PKD1L1: variants seen among roughly 807,000 people sequenced by gnomAD.
The protein encoded by PKD1L1 is polycystin-1-like protein 1.
Under a neutral mutation model 323.4 loss-of-function variants are expected in PKD1L1, and 236 were observed. The observed-to-expected ratio is 0.73, with a 90% CI of 0.66 to 0.81. PKD1L1 has a LOEUF of 0.81. PKD1L1 is among the 40% of genes least tolerant of loss of function. PKD1L1 has a pLI of 0.00. For missense variants in PKD1L1, 3,320 were observed against 3,508.0 expected (o/e 0.95, Z 1.35); for synonymous variants, 1,344 against 1,335.0 (o/e 1.01, Z -0.15).
chr7:47,881,938 C>T lies in PKD1L1; in HGVS notation c.3413G>A (p.Arg1138Gln), dbSNP rs146513154. The T allele has an allele frequency of 1.3e-4, 211 of 1,605,300 alleles. 1 individual carries two copies. In the African/African-American group the frequency reaches 2.2e-3, roughly 16 times the overall value. ...GGATGAATAGCCTTGGAAAACTGCT[C>T]GACCCAGCAGGGCCTTGGGCCAGTC... ...MIDWPKALLG[R>Q]AVFQGYSSSG... Residue 1138 changes from arginine to glutamine, a missense_variant, in exon 20 of 57, where the codon CGA becomes CAA. By Grantham distance (43) the Arg-to-Gln change is conservative. Transcript: ENST00000289672.
chr7:47,818,384 A>G (rs3800568), intron 46 of PKD1L1, among the ~76,000 whole-genome samples: 60,697 of 152,148 alleles, frequency 0.4, 12,611 homozygotes, highest in East Asian at 0.63. Flanking sequence ...CAAACATTGT[A>G]CATTTATAGC....
intron 54 of PKD1L1, among the ~76,000 whole-genome samples, chr7:47,799,863 G>A (rs570708835): frequency 6.6e-6 from 1 of 152,328 alleles, no homozygotes; most frequent in East Asian, 1.9e-4. Flanking sequence ...TGTGATGTGG[G>A]CATAGCAATC....
chr7:47,922,883 T>C (rs911779186), intron 7 of PKD1L1, among the ~76,000 whole-genome samples: 1 of 152,228 alleles, frequency 6.6e-6, no homozygotes, highest in African/African-American at 2.4e-5. Flanking sequence ...ATGGCGGTTT[T>C]GTCGAATAGA....
chr7:47,914,981 CTTAAAG>C (rs1019522858), intron 8 of PKD1L1, among the ~76,000 whole-genome samples: 53 of 152,296 alleles, frequency 3.5e-4, no homozygotes, highest in South Asian at 4.1e-4. Flanking sequence ...AACATCAGGA[CTTAAAG>C]TTAAAACAGC....
In PKD1L1 at chr7:47,898,149, C is replaced by A. The variant is rs1465704826; in HGVS notation, c.2110G>T (p.Ala704Ser). The change falls in exon 14 of 57, where the codon GCA (alanine) becomes TCA (serine). Residue 704 changes from alanine (A) to serine (S), a missense_variant. Transcript: ENST00000289672. Reference sequence around the variant, plus strand: ...CCTTGGGAAATATCACAGAAGACTGCAGCTTCAAACGTCACTCCCAGCCTC... The same window carrying A: ...CCTTGGGAAATATCACAGAAGACTGAAGCTTCAAACGTCACTCCCAGCCTC... Reference protein sequence around the residue: ...PVRLGVTFEAAVFCDISQGLS... With the variant: ...PVRLGVTFEASVFCDISQGLS... 1 of 1,614,034 alleles carries A rather than the reference C, an allele frequency of 6.2e-7. No individual in the cohort carries two copies. The highest frequency in any genetic ancestry group is 8.5e-7 in the Non-Finnish European group (1 of 1,180,022).
intron 7 of PKD1L1, 61 bp from the exon 8 acceptor site, chr7:47,915,660 T>C: frequency 9.2e-7 from 1 of 1,086,008 alleles, no homozygotes; most frequent in Non-Finnish European, 1.3e-6. Context: ...TAGGGGAAAA[T>C]GTGGAATAAA....
chr7:47,863,251 G>A (rs988203847), intron 26 of PKD1L1, among the ~76,000 whole-genome samples: 1 of 152,136 alleles, frequency 6.6e-6, no homozygotes, highest in South Asian at 2.1e-4. Context: ...GGAAGGGGTT[G>A]GGGGAGGAGC....
chr7:47,944,626 C>G (rs990704373), intron 1 of PKD1L1, among the ~76,000 whole-genome samples: 1 of 152,200 alleles, frequency 6.6e-6, no homozygotes, highest in Non-Finnish European at 1.5e-5. Context: ...GGTGTGCCTC[C>G]AGAGCTCAAG....
chr7:47,957,063 A>C, the PKD1L1 span: 1 of 153,914 alleles, frequency 6.5e-6, no homozygotes, highest in Non-Finnish European at 1.5e-5. Context: ...AGCAAACTGC[A>C]AGACATTTGC....
chr7:47,862,170 G>C (rs1786045840), intron 26 of PKD1L1, among the ~76,000 whole-genome samples: 1 of 152,082 alleles, frequency 6.6e-6, no homozygotes, highest in Non-Finnish European at 1.5e-5. Context: ...ACTCCAGCTT[G>C]GGCGACAGAG....
At chr7:47,945,345 A>C (rs1788073179) in intron 1 of PKD1L1, among the ~76,000 whole-genome samples, 1 of 152,188 alleles carries the variant, frequency 6.6e-6, no homozygotes, top group Admixed American at 6.5e-5. Context: ...AAAACTGGAT[A>C]GTTTCACCCA....
At chr7:47,843,248 C>G (rs894751615) in intron 33 of PKD1L1, 79 bp from the exon 34 acceptor site, 10 of 1,083,682 alleles carry the variant, frequency 9.2e-6, no homozygotes, top group South Asian at 1.6e-5. Flanking sequence ...CCACCCCTAG[C>G]CCCTTACACA....
chr7:47,781,967 T>C (rs927340150), intron 56 of PKD1L1, among the ~76,000 whole-genome samples: 3 of 152,216 alleles, frequency 2.0e-5, no homozygotes, highest in Admixed American at 6.5e-5. Flanking sequence ...CAAGATGAGT[T>C]TGGCATATTT....
rs1584958052 is a variant in PKD1L1, at chr7:47,809,536, T to C, written c.7623A>G (p.Gln2541=). ...CGCCCTTGTCCATCATACGGTAGAG[T>C]TGAACACAGAGGTGGATCAGGCTGA... ...LALSLIHLCV[Q]LYRMMDKGVL... The change falls in exon 51 of 57, where the codon CAA becomes CAG. Residue 2541 remains glutamine (Q), a synonymous_variant. Transcript: ENST00000289672. The C allele has an allele frequency of 4.4e-6, 7 of 1,609,182 alleles. No individual in the cohort carries two copies. The highest frequency in any genetic ancestry group is 5.1e-6 in the Non-Finnish European group (6 of 1,178,084).
chr7:47,830,627 G>C lies in PKD1L1; in HGVS notation c.6474-503C>G, dbSNP rs147063460. ...GTCTAAGTACCTGCCCATCCTCACA[G>C]AGTGATTCAACATCTACAGTTGAGG... is the stretch of plus-strand genomic sequence containing the variant. On this transcript the variant is annotated intron_variant, in intron 42 of 56. Coordinates refer to ENST00000289672, the MANE Select transcript of PKD1L1 (RefSeq NM_138295.5). Among the ~76,000 whole-genome samples, 273 of 152,324 alleles carry C rather than the reference G, an allele frequency of 1.8e-3. 2 individuals carry two copies. Among genetic ancestry groups the C allele is most frequent in the Non-Finnish European group, 3.0e-3 (206 of 68,030 alleles).
rs1228576459 is a variant in PKD1L1, at chr7:47,931,072, T to C, written c.737+32A>G. ...GGTTCCAGACTGGGGATTGGAGAAGTGGTGCTGGCCTCCATACCTCCTTCA... is the reference window on the plus strand; with the variant it reads ...GGTTCCAGACTGGGGATTGGAGAAGCGGTGCTGGCCTCCATACCTCCTTCA... On this transcript the variant is annotated intron_variant, in intron 6 of 56. Transcript: ENST00000289672. 5 of 1,589,732 alleles carry C rather than the reference T, an allele frequency of 3.1e-6. No homozygotes were observed. In the South Asian group the frequency reaches 4.5e-5, roughly 14 times the overall value.
At chr7:47,958,574 C>G in the PKD1L1 span, among the ~76,000 whole-genome samples, 1 of 152,074 alleles carries the variant, frequency 6.6e-6, no homozygotes, top group Non-Finnish European at 1.5e-5. Flanking sequence ...GCAACAAAAG[C>G]AAACAATGGG....
In PKD1L1 at chr7:47,830,093, G is replaced by A. The variant is rs144308428; in HGVS notation, c.6505C>T (p.His2169Tyr). Residue 2169 changes from histidine to tyrosine, a missense_variant, in exon 43 of 57, where the codon CAC (histidine) becomes TAC (tyrosine). Coordinates refer to ENST00000289672, the MANE Select transcript of PKD1L1 (RefSeq NM_138295.5). The part of the protein sequence containing the change: ...FGQEQCVQWL[H>Y]LLSLSVVCCI... ...CAGACCACGGAGAGGGACAGCAGGT[G>A]CAGCCACTGCACACATTGCTCCTGG... is the stretch of plus-strand genomic sequence containing the variant. 73 of 1,614,008 alleles carry A rather than the reference G, an allele frequency of 4.5e-5. No individual in the cohort carries two copies. Among genetic ancestry groups the A allele is most frequent in the Non-Finnish European group, 6.1e-5 (72 of 1,180,026 alleles).
intron 9 of PKD1L1, among the ~76,000 whole-genome samples, chr7:47,906,371 G>C (rs936049698): frequency 1.3e-5 from 2 of 152,096 alleles, no homozygotes; most frequent in African/African-American, 4.8e-5. Context: ...ATGTAAGATT[G>C]TGCATATATG....
Sources: gnomAD v4.1 joint callset for allele counts (sites outside exome capture counted in the v4.1 genomes callset) on GRCh38, gnomAD v4.1.1 for gene constraint, MANE v1.5 for transcripts, NCBI Gene and HGNC (gene_info 2026-07-23, HGNC 2026-07-21) for gene names.